Variants in CD2 observed in about 807,000 individuals in gnomAD.
CD2 encodes the protein T-cell surface antigen CD2.
Under a neutral mutation model 23.2 loss-of-function variants are expected in CD2, and 18 were observed. The observed-to-expected ratio is 0.77, with a 90% CI of 0.54 to 1.15. The LOEUF (loss-of-function observed/expected upper bound fraction) is 1.15, where lower values mean the gene tolerates loss of function less well. Among genes scored for constraint, CD2 ranks in the 50% most tolerant of loss-of-function variants. The pLI, the probability that CD2 is intolerant of heterozygous loss-of-function variation, is 0.00. For missense variants in CD2, 424 were observed against 423.1 expected, an observed-to-expected ratio of 1.00 and a Z score of -0.02; for synonymous variants, 162 against 151.9, an observed-to-expected ratio of 1.07 and a Z score of -0.49.
In CD2 at chr1:116,768,795, A is replaced by G. The variant is rs1652304801; in HGVS notation, c.*12A>G. 6.3e-7 allele frequency: 1 copy of G among 1,597,956 alleles called. No individual in the cohort carries two copies. The highest frequency in any genetic ancestry group is 1.1e-5 in the South Asian group (1 of 88,786). The stretch of plus-strand genomic sequence containing the variant: ...CTTCCTCTAATTAAAAAAGATAGAA[A>G]CTGTCTTTTTCAATAAAAAGCACTG... On this transcript the variant is annotated 3_prime_UTR_variant, in exon 5 of 5. Transcript: ENST00000369478.
chr1:116,761,768 C>T (rs1434110272), intron 3 of CD2, among the ~76,000 whole-genome samples: 4 of 152,126 alleles, frequency 2.6e-5, no homozygotes, highest in African/African-American at 9.7e-5. Flanking sequence ...CCCGGTTTTC[C>T]CACCAGTCAT....
intron 2 of CD2, among the ~76,000 whole-genome samples, chr1:116,758,630 T>TCAGGACTCCAAACAGCA (rs1374853703): frequency 2.4e-4 from 36 of 152,152 alleles, no homozygotes; most frequent in African/African-American, 7.0e-4. Flanking sequence ...ACCACAGATC[T>TCAGGACTCCAAACAGCA]CAGGACTCCA....
At position 116,760,469 on chromosome 1, in the gene CD2, T is replaced by C. The variant is rs766510723; in HGVS notation, c.450T>C (p.Asn150=). 6 of 1,614,226 alleles carry C rather than the reference T, an allele frequency of 3.7e-6. No individual in the cohort carries two copies. Among genetic ancestry groups the C allele is most frequent in the Admixed American group, 1.7e-5 (1 of 60,020 alleles). The part of the protein sequence containing the change: ...INTTLTCEVM[N]GTDPELNLYQ... ...CAACCCTGACCTGTGAGGTAATGAA[T>C]GGAACTGACCCCGAATTAAACCTGT... The change falls in exon 3 of 5, where the codon AAT becomes AAC. Residue 150 remains asparagine (N), a synonymous_variant. Transcript: ENST00000369478.
At chr1:116,763,205 A>G (rs1282646525) in intron 3 of CD2, among the ~76,000 whole-genome samples, 1 of 152,214 alleles carries the variant, frequency 6.6e-6, no homozygotes, top group East Asian at 1.9e-4. Flanking sequence ...CTGGCAGGCA[A>G]AGAATGGGTC....
Position 116,760,605 on chromosome 1 carries a change from T to A in CD2, c.586T>A (p.Ser196Thr), listed in dbSNP as rs146842182. Residue 196 changes from serine to threonine, a missense_variant, in exon 3 of 5, where the codon TCC (serine) becomes ACC (threonine). Transcript: ENST00000369478. ...AGCAGGGAACAAAGTCAGCAAGGAA[T>A]CCAGTGTCGAGCCTGTCAGCTGTCC... is the stretch of plus-strand genomic sequence containing the variant. ...CTAGNKVSKE[S>T]SVEPVSCPEK... 9 of 1,614,056 alleles carry A rather than the reference T, an allele frequency of 5.6e-6. No homozygotes were observed. In the African/African-American group the frequency reaches 1.1e-4, roughly 19 times the overall value.
intron 2 of CD2, 34 bp from the exon 3 acceptor site, chr1:116,760,368 C>T: frequency 1.3e-6 from 2 of 1,563,056 alleles, no homozygotes; most frequent in Non-Finnish European, 1.8e-6. Flanking sequence ...CAGAAAATTG[C>T]CTAAATTGAA....
rs267597947 is a variant in CD2, at chr1:116,768,691, C to T, written c.964C>T (p.Gln322Ter). 1 of 1,614,064 alleles carries T rather than the reference C, an allele frequency of 6.2e-7. No individual in the cohort carries two copies. The highest frequency in any genetic ancestry group is 8.5e-7 in the Non-Finnish European group (1 of 1,180,042). ...TGCTCCGTCGGGCACACAAGTTCAC[C>T]AGCAGAAAGGCCCGCCCCTCCCCAG... ...PPAPSGTQVH[Q>*]QKGPPLPRPR... Residue 322 changes from glutamine to a stop codon, truncating the protein, a stop_gained, in exon 5 of 5, where the codon CAG (glutamine) becomes TAG (stop). Coordinates refer to ENST00000369478, the MANE Select transcript of CD2 (RefSeq NM_001767.5). LOFTEE classifies it low-confidence loss of function (END_TRUNC).
At chr1:116,755,856 G>A (rs926477263) in intron 2 of CD2, among the ~76,000 whole-genome samples, 1 of 152,112 alleles carries the variant, frequency 6.6e-6, no homozygotes. Context: ...TGAAAGCCCG[G>A]GGGGATGCTG....
At chr1:116,758,596 A>C (rs554770645) in intron 2 of CD2, among the ~76,000 whole-genome samples, 3 of 151,988 alleles carry the variant, frequency 2.0e-5, no homozygotes, top group African/African-American at 7.2e-5. Context: ...CGCTGAAAAG[A>C]GCCTCTGATT....
Position 116,768,744 on chromosome 1 carries a change from T to C in CD2, c.1017T>C (p.His339=), listed in dbSNP as rs775878413. Residue 339 remains histidine, a synonymous_variant, in exon 5 of 5, where the codon CAT becomes CAC. Coordinates refer to ENST00000369478, the MANE Select transcript of CD2 (RefSeq NM_001767.5). ...PRPRVQPKPP[H]GAAENSLSPS... ...CTCGAGTTCAGCCAAAACCTCCCCA[T>C]GGGGCAGCAGAAAACTCATTGTCCC... is the stretch of plus-strand genomic sequence containing the variant. The C allele has an allele frequency of 1.9e-6, 3 of 1,613,828 alleles. No homozygotes were observed. The highest frequency in any genetic ancestry group is 4.5e-5 in the East Asian group (2 of 44,872).
chr1:116,767,191 A>G (rs1234325614), intron 4 of CD2, among the ~76,000 whole-genome samples: 1 of 152,234 alleles, frequency 6.6e-6, no homozygotes, highest in Non-Finnish European at 1.5e-5. Context: ...CTCACATTTC[A>G]TGTAGTCAGA....
chr1:116,763,609 A>G (rs1353665572), intron 3 of CD2, among the ~76,000 whole-genome samples: 1 of 152,156 alleles, frequency 6.6e-6, no homozygotes, highest in Non-Finnish European at 1.5e-5. Context: ...GCACTTTCAT[A>G]TCCATTATCT....
At position 116,754,955 on chromosome 1, in the gene CD2, A is replaced by G. The variant is rs780115820; in HGVS notation, c.382+4A>G. ...ATATTTGATTTGAAGATTCAAGGTA[A>G]GTGTTCATTCCCTTAATTGCTTTAT... On this transcript the variant is annotated splice_donor_region_variant and intron_variant, in intron 2 of 4. Coordinates refer to ENST00000369478, the MANE Select transcript of CD2 (RefSeq NM_001767.5). The G allele has an allele frequency of 7.0e-6, 11 of 1,573,680 alleles. No homozygotes were observed. The highest frequency in any genetic ancestry group is 1.2e-5 in the South Asian group (1 of 86,502).
At chr1:116,758,074 T>C (rs1163335423) in intron 2 of CD2, among the ~76,000 whole-genome samples, 8 of 151,290 alleles carry the variant, frequency 5.3e-5, no homozygotes, top group Admixed American at 4.0e-4. Flanking sequence ...AGCTGAAATA[T>C]TATATTATTT....
chr1:116,757,980 G>A (rs920446212), intron 2 of CD2, among the ~76,000 whole-genome samples: 1 of 151,718 alleles, frequency 6.6e-6, no homozygotes, highest in Non-Finnish European at 1.5e-5. Flanking sequence ...TGTTGGCCAG[G>A]CTACTCTTGA....
At position 116,754,556 on chromosome 1, in the gene CD2, A is replaced by G; in HGVS notation, c.61+3A>G. 1 of 1,613,808 alleles carries G rather than the reference A, an allele frequency of 6.2e-7. No individual in the cohort carries two copies. The highest frequency in any genetic ancestry group is 2.2e-5 in the East Asian group (1 of 44,880). On this transcript the variant is annotated splice_donor_region_variant and intron_variant, in intron 1 of 4. Coordinates refer to ENST00000369478, the MANE Select transcript of CD2 (RefSeq NM_001767.5). ...GATTTTCAATGTTTCTTCCAAAGGT[A>G]AGCATAAGAGTCAAAGAAGTCCCAA...
rs911029638 is a variant in CD2, at chr1:116,764,901, A to G, written c.736+295A>G. Among the ~76,000 whole-genome samples the G allele has an allele frequency of 2.6e-5, 4 of 152,286 alleles. No homozygotes were observed. In the East Asian group the frequency reaches 7.7e-4, roughly 29 times the overall value. On this transcript the variant is annotated intron_variant, in intron 4 of 4. Coordinates refer to ENST00000369478, the MANE Select transcript of CD2 (RefSeq NM_001767.5). ...GGCTAATGTGAACATCTTTTGAATGAGCCACACTTCTCTACATAGGCAGAA... is the reference window on the plus strand; with the variant it reads ...GGCTAATGTGAACATCTTTTGAATGGGCCACACTTCTCTACATAGGCAGAA...
intron 3 of CD2, among the ~76,000 whole-genome samples, chr1:116,763,673 A>C (rs1446538389): frequency 6.6e-6 from 1 of 152,180 alleles, no homozygotes; most frequent in Non-Finnish European, 1.5e-5. Flanking sequence ...TCCACTTTAC[A>C]AAGAAGGAAA....
chr1:116,768,440 T>G (rs745490266), intron 4 of CD2, 24 bp from the exon 5 acceptor site: 1 of 1,601,976 alleles, frequency 6.2e-7, no homozygotes, highest in Non-Finnish European at 8.5e-7. Context: ...CAAGATGAAC[T>G]CTATTGAGGT....
Sources: allele counts gnomAD v4.1 joint callset (sites outside exome capture counted in the v4.1 genomes callset), GRCh38; gene constraint gnomAD v4.1.1; transcripts MANE v1.5; gene names NCBI Gene and HGNC (gene_info 2026-07-23, HGNC 2026-07-21).